The following CCDC7 variants were observed in gnomAD, a reference collection of about 807,000 sequenced individuals.
CCDC7 encodes coiled-coil domain containing 7.
Under a neutral mutation model 196.9 loss-of-function variants are expected in CCDC7, and 183 were observed. That is an observed-to-expected ratio of 0.93 (90% CI 0.82 to 1.05). The LOEUF (loss-of-function observed/expected upper bound fraction) is 1.05, where lower values mean the gene tolerates loss of function less well. Among genes scored for constraint, CCDC7 ranks in the 50% least tolerant of loss-of-function variants. CCDC7 has a pLI of 0.00. For missense variants in CCDC7, 1,540 were observed against 1,482.2 expected (o/e 1.04, Z -0.64); for synonymous variants, 525 against 484.6 (o/e 1.08, Z -1.10).
At chr10:32,729,500 T>C in intron 28 of CCDC7, 43 bp downstream of exon 29, 1 of 990,094 alleles carries the variant, frequency 1.0e-6, no homozygotes, top group African/African-American at 1.6e-5. Flanking sequence ...TTTTATTAAA[T>C]TCAGGAGAAA....
intron 9 of CCDC7, among the ~76,000 whole-genome samples, chr10:32,514,759 AGAACTT>A (rs1019499413): frequency 2.6e-5 from 4 of 152,242 alleles, no homozygotes. Context: ...CATCATTGAA[AGAACTT>A]AAAGAACACC....
chr10:32,637,442 C>G (rs376267932), intron 20 of CCDC7, among the ~76,000 whole-genome samples: 1 of 152,138 alleles, frequency 6.6e-6, no homozygotes, highest in Non-Finnish European at 1.5e-5. Context: ...TCAGCTTTCT[C>G]CATATGGCTA....
chr10:32,642,241 C>G (rs1373845419), intron 20 of CCDC7, among the ~76,000 whole-genome samples: 2 of 152,198 alleles, frequency 1.3e-5, no homozygotes, highest in East Asian at 3.9e-4. Context: ...ATGCCCTGCC[C>G]CCAGAGGTGG....
intron 28 of CCDC7, among the ~76,000 whole-genome samples, chr10:32,730,927 A>C (rs2083859727): frequency 6.6e-6 from 1 of 152,180 alleles, no homozygotes; most frequent in African/African-American, 2.4e-5. Flanking sequence ...TTGTTCATGG[A>C]TATGTATTCT....
At chr10:32,640,600 G>T (rs1173548769) in intron 20 of CCDC7, among the ~76,000 whole-genome samples, 1 of 152,154 alleles carries the variant, frequency 6.6e-6, no homozygotes, top group Non-Finnish European at 1.5e-5. Flanking sequence ...TTTCTTCCTA[G>T]CCTCTATGGT....
At chr10:32,466,265 T>C (rs1415434397) in intron 5 of CCDC7, among the ~76,000 whole-genome samples, 1 of 151,916 alleles carries the variant, frequency 6.6e-6, no homozygotes, top group Non-Finnish European at 1.5e-5. Context: ...TCTTTTTTTT[T>C]TTTTTTTGTA....
intron 18 of CCDC7, among the ~76,000 whole-genome samples, chr10:32,588,808 G>A (rs760362566): frequency 8.6e-5 from 13 of 151,780 alleles, no homozygotes; most frequent in Middle Eastern, 3.4e-3. Flanking sequence ...TATGATTACC[G>A]GTTCAATTTT....
At chr10:32,541,657 G>A (rs1019587695) in intron 11 of CCDC7, among the ~76,000 whole-genome samples, 1 of 152,214 alleles carries the variant, frequency 6.6e-6, no homozygotes, top group African/African-American at 2.4e-5. Context: ...GGTCTTTACT[G>A]AGGCAGTGAC....
chr10:32,655,587 T>C (rs1250607562), intron 20 of CCDC7, among the ~76,000 whole-genome samples: 2 of 152,078 alleles, frequency 1.3e-5, no homozygotes, highest in Non-Finnish European at 2.9e-5. Flanking sequence ...AGTGCAGTGG[T>C]GTGATCTTGG....
chr10:32,765,454 G>T (rs1271480167), intron 28 of CCDC7, among the ~76,000 whole-genome samples: 1 of 151,888 alleles, frequency 6.6e-6, no homozygotes, highest in Non-Finnish European at 1.5e-5. Context: ...TCCCCAGTTT[G>T]TGAATGTATA....
intron 24 of CCDC7, among the ~76,000 whole-genome samples, chr10:32,703,343 C>T (rs1731942995): frequency 6.6e-6 from 1 of 151,318 alleles, no homozygotes; most frequent in South Asian, 2.1e-4. Context: ...AATATTGGCC[C>T]CCACTCTCTT....
At chr10:32,661,896 C>G (rs908378035) in intron 20 of CCDC7, among the ~76,000 whole-genome samples, 14 of 152,078 alleles carry the variant, frequency 9.2e-5, no homozygotes, top group Admixed American at 2.6e-4. Flanking sequence ...TCAGTAGATG[C>G]CCCCTAAGTC....
At chr10:32,656,739 G>A (rs1215821844) in intron 20 of CCDC7, among the ~76,000 whole-genome samples, 3 of 152,122 alleles carry the variant, frequency 2.0e-5, no homozygotes, top group Non-Finnish European at 1.5e-5. Flanking sequence ...CAAATCTCAT[G>A]TCCTCACATT....
chr10:32,663,996 A>T, intron 20 of CCDC7, 58 bp from the exon 22 acceptor site: 1 of 391,102 alleles, frequency 2.6e-6, no homozygotes, highest in Non-Finnish European at 4.5e-6. Flanking sequence ...ATAAATCTGA[A>T]ATCTAGAAAT....
intron 18 of CCDC7, among the ~76,000 whole-genome samples, chr10:32,587,640 G>A (rs2059413487): frequency 6.6e-6 from 1 of 152,178 alleles, no homozygotes; most frequent in South Asian, 2.1e-4. Context: ...GAATTTATAT[G>A]TTAACTCTAA....
At chr10:32,632,668 A>G (rs2065039074) in intron 18 of CCDC7, among the ~76,000 whole-genome samples, 1 of 151,880 alleles carries the variant, frequency 6.6e-6, no homozygotes, top group South Asian at 2.1e-4. Context: ...CCTATTTTCT[A>G]GTCTCCCTTA....
chr10:32,574,605 T>C, intron 16 of CCDC7: 1 of 656,084 alleles, frequency 1.5e-6, no homozygotes, highest in South Asian at 6.1e-5. Flanking sequence ...GAGTTAGTGG[T>C]AAATAGTTAA....
chr10:32,707,326 TAGTA>T (rs1565226527), intron 24 of CCDC7, among the ~76,000 whole-genome samples: 4 of 152,260 alleles, frequency 2.6e-5, no homozygotes, highest in Admixed American at 2.0e-4. Context: ...TATCTCAAAA[TAGTA>T]AGAGCTCTCT....
At chr10:32,870,786 A>T (rs983590562) in intron 41 of CCDC7, among the ~76,000 whole-genome samples, 2 of 151,954 alleles carry the variant, frequency 1.3e-5, no homozygotes, top group African/African-American at 2.4e-5. Context: ...TACCTAATTT[A>T]TTGAGTTTTT....
Sources: gnomAD v4.1 joint callset for allele counts (sites outside exome capture counted in the v4.1 genomes callset) on GRCh38, gnomAD v4.1.1 for gene constraint, MANE v1.5 for transcripts, NCBI Gene and HGNC (gene_info 2026-07-23, HGNC 2026-07-21) for gene names.